SP4: variants seen among roughly 807,000 people sequenced by gnomAD.
SP4 encodes transcription factor Sp4.
A neutral mutation model predicts 72.8 loss-of-function variants in SP4; 19 were observed. The observed-to-expected ratio is 0.26, with a 90% confidence interval of 0.18 to 0.38. The LOEUF (loss-of-function observed/expected upper bound fraction) is 0.38, where lower values mean the gene tolerates loss of function less well. Ranked by LOEUF, SP4 falls within the 10% of genes least tolerant of loss-of-function variation. The pLI, the probability that SP4 is intolerant of heterozygous loss-of-function variation, is 1.00. For synonymous variants in SP4, 395 were observed against 333.1 expected (o/e 1.19, Z -2.02); for missense variants, 1,008 against 926.3 (o/e 1.09, Z -1.14).
chr7:21,430,152 A>C lies in SP4; in HGVS notation c.987A>C (p.Ser329=), dbSNP rs1374513482. ...SSSTTCTTTA[S]TSLTSSDTLV... Reference sequence around the variant, plus strand: ...CCACTACCTGCACAACCACTGCTTCAACGTCTTTGACAAGCAGTGACACAT... The same window carrying C: ...CCACTACCTGCACAACCACTGCTTCCACGTCTTTGACAAGCAGTGACACAT... The change falls in exon 3 of 6, where the codon TCA becomes TCC. Residue 329 remains serine, a synonymous_variant. Coordinates refer to ENST00000222584, the MANE Select transcript of SP4 (RefSeq NM_003112.5). 6.2e-7 allele frequency: 1 copy of C among 1,614,192 alleles called. No individual in the cohort carries two copies. The highest frequency in any genetic ancestry group is 8.5e-7 in the Non-Finnish European group (1 of 1,180,026).
intron 3 of SP4, among the ~76,000 whole-genome samples, chr7:21,445,413 A>G (rs1326035500): frequency 6.6e-6 from 1 of 152,168 alleles, no homozygotes; most frequent in Non-Finnish European, 1.5e-5. Flanking sequence ...TCTTTAGCTA[A>G]TCCTGCATGT....
chr7:21,482,667 C>G, intron 5 of SP4: 1 of 984,182 alleles, frequency 1.0e-6, no homozygotes, highest in Non-Finnish European at 1.2e-6. Flanking sequence ...AAGACTGCAG[C>G]TGCTATAAAT....
rs1441970986 is a variant in SP4, at chr7:21,514,530, GTAAAAAAAAAAAAA to G, written c.*3263_*3276del. The G allele has an allele frequency of 1.4e-5, 1 of 69,144 alleles. No homozygotes were observed. The highest frequency in any genetic ancestry group is 2.3e-5 in the Non-Finnish European group (1 of 42,770). 4.3% of individuals were successfully genotyped at this position (69,144 alleles called of 1,614,324 possible). A position where few individuals can be genotyped will look rare whatever the true frequency, so the allele number is the denominator to read the frequency against. On this transcript the variant is annotated 3_prime_UTR_variant, in exon 6 of 6. Coordinates refer to ENST00000222584, the MANE Select transcript of SP4 (RefSeq NM_003112.5). The stretch of plus-strand genomic sequence containing the variant: ...AACATTTCACTTGTAAATTTTTTTT[GTAAAAAAAAAAAAA>G]TGAAAAAAAAAGATGAATCCAGAAA...
chr7:21,491,851 T>C (rs2128413749), intron 5 of SP4, among the ~76,000 whole-genome samples: 1 of 152,190 alleles, frequency 6.6e-6, no homozygotes, highest in South Asian at 2.1e-4. Context: ...TTTGCTGCTA[T>C]CAGATCTGCC....
chr7:21,444,948 T>C (rs1046624302), intron 3 of SP4, among the ~76,000 whole-genome samples: 1 of 152,186 alleles, frequency 6.6e-6, no homozygotes, highest in East Asian at 1.9e-4. Context: ...AGCTGAGTGC[T>C]CCACTCCTTG....
intron 4 of SP4, among the ~76,000 whole-genome samples, chr7:21,479,229 C>A (rs1031576624): frequency 4.7e-5 from 7 of 150,284 alleles, no homozygotes; most frequent in Admixed American, 6.6e-5. Context: ...TCTAAGAATT[C>A]ATTGCCAAAT....
At chr7:21,454,066 A>G (rs993281183) in intron 3 of SP4, among the ~76,000 whole-genome samples, 4 of 152,192 alleles carry the variant, frequency 2.6e-5, no homozygotes, top group African/African-American at 7.2e-5. Flanking sequence ...TACATGTTAC[A>G]TGGTTAACTC....
chr7:21,428,173 C>T lies in SP4; in HGVS notation c.-79C>T, dbSNP rs879895201. 222 of 740,582 alleles carry T rather than the reference C, an allele frequency of 3.0e-4. No individual in the cohort carries two copies. Among genetic ancestry groups the T allele is most frequent in the Admixed American group, 1.0e-3 (50 of 49,572 alleles). 45.9% of individuals were successfully genotyped at this position (740,582 alleles called of 1,614,324 possible). On this transcript the variant is annotated 5_prime_UTR_variant, in exon 1 of 6. Transcript: ENST00000222584. ...GCCACCGCGGGCGGGCGGGACCGGC[C>T]TCTCCTCCCGCCTCGCCCCCACCCC...
In SP4 at chr7:21,430,660, G is replaced by A. The variant is rs1423738574; in HGVS notation, c.1495G>A (p.Val499Met). The change falls in exon 3 of 6, where the codon GTG (valine) becomes ATG (methionine). Residue 499 changes from valine (V) to methionine (M), a missense_variant. Around this residue, in one of 3 missense-constraint regions of SP4, gnomAD observed 893 missense variants for 743.3 expected, o/e 1.20. Transcript: ENST00000222584. ...GLSQQLTITP[V>M]SSSGGTTLAQ... is the part of the protein sequence containing the mutation. ...ATCCCAACAATTAACCATCACCCCAGTGTCTTCAAGTGGTGGCACAACTCT... is the reference window on the plus strand; with the variant it reads ...ATCCCAACAATTAACCATCACCCCAATGTCTTCAAGTGGTGGCACAACTCT... 6.2e-7 allele frequency: 1 copy of A among 1,614,086 alleles called. No homozygotes were observed. Among genetic ancestry groups the A allele is most frequent in the East Asian group, 2.2e-5 (1 of 44,894 alleles).
intron 3 of SP4, among the ~76,000 whole-genome samples, chr7:21,476,257 G>C (rs1784497501): frequency 8.7e-6 from 1 of 114,586 alleles, no homozygotes; most frequent in African/African-American, 3.4e-5. Flanking sequence ...CTGGGCGACA[G>C]AGCAAGACTC....
At chr7:21,459,163 A>G (rs921895639) in intron 3 of SP4, among the ~76,000 whole-genome samples, 18 of 152,292 alleles carry the variant, frequency 1.2e-4, no homozygotes, top group Middle Eastern at 3.4e-3. Flanking sequence ...CTCTGTCACC[A>G]GGCTGGAGTG....
chr7:21,488,960 A>G (rs1463705685), intron 5 of SP4, among the ~76,000 whole-genome samples: 6 of 152,182 alleles, frequency 3.9e-5, no homozygotes, highest in Non-Finnish European at 8.8e-5. Flanking sequence ...ATCCACTTAG[A>G]AGTAAGGCAA....
intron 5 of SP4, among the ~76,000 whole-genome samples, chr7:21,505,162 C>G (rs1197624905): frequency 6.6e-6 from 1 of 152,154 alleles, no homozygotes; most frequent in Non-Finnish European, 1.5e-5. Context: ...CTATAGTAGC[C>G]AGTTAAATCT....
In SP4 at chr7:21,429,744, G is replaced by C. The variant is rs749175864; in HGVS notation, c.579G>C (p.Gln193His). 2.0e-5 allele frequency: 33 copies of C among 1,613,938 alleles called. No individual in the cohort carries two copies. In the South Asian group the frequency reaches 3.6e-4, roughly 18 times the overall value. The change falls in exon 3 of 6, where the codon CAG becomes CAC. Residue 193 changes from glutamine to histidine, a missense_variant. This residue lies in a region of SP4 where 893 missense variants were observed against 743.3 expected (regional missense o/e 1.20). Coordinates refer to ENST00000222584, the MANE Select transcript of SP4 (RefSeq NM_003112.5). ...GTAGTTCATCTCTACAGGATTTGCA[G>C]GGTCAAATTCAGCTCATTTCTGCAG... ...PTSSSSLQDL[Q>H]GQIQLISAGN...
At chr7:21,478,609 A>C (rs1024161598) in intron 4 of SP4, among the ~76,000 whole-genome samples, 2 of 152,212 alleles carry the variant, frequency 1.3e-5, no homozygotes, top group African/African-American at 4.8e-5. Context: ...ACTGATACTA[A>C]TGATATTGAG....
At chr7:21,437,455 C>T (rs1396980422) in intron 3 of SP4, among the ~76,000 whole-genome samples, 1 of 152,112 alleles carries the variant, frequency 6.6e-6, no homozygotes, top group Admixed American at 6.5e-5. Flanking sequence ...CACCTCCTTA[C>T]GAGGTCTCAC....
intron 5 of SP4, among the ~76,000 whole-genome samples, chr7:21,498,391 A>C (rs1781778468): frequency 6.6e-6 from 1 of 152,152 alleles, no homozygotes; most frequent in African/African-American, 2.4e-5. Flanking sequence ...AGTGTATACC[A>C]AGGGCAACTA....
intron 5 of SP4, among the ~76,000 whole-genome samples, chr7:21,493,790 AT>A (rs1057338499): frequency 6.6e-6 from 1 of 152,098 alleles, no homozygotes; most frequent in Non-Finnish European, 1.5e-5. Flanking sequence ...AAATTCTACA[AT>A]TTCTTTCAGA....
intron 3 of SP4, among the ~76,000 whole-genome samples, chr7:21,447,011 A>G (rs1783447322): frequency 6.6e-6 from 1 of 152,194 alleles, no homozygotes; most frequent in Non-Finnish European, 1.5e-5. Flanking sequence ...GTGACTAGCC[A>G]CATGTCCAGC....
Sources: gnomAD v4.1 joint callset for allele counts (sites outside exome capture counted in the v4.1 genomes callset) on GRCh38, gnomAD v4.1.1 for gene constraint, gnomAD v4.1.1 regional missense constraint, MANE v1.5 for transcripts, NCBI Gene and HGNC (gene_info 2026-07-23, HGNC 2026-07-21) for gene names.